TCF7: variants seen among roughly 807,000 people sequenced by gnomAD.
TCF7 encodes T-cell-factor-7.
TCF7 carries 19 observed loss-of-function variants against 46.8 expected under a neutral mutation model. That is an observed-to-expected ratio of 0.41 (90% CI 0.28 to 0.60). The LOEUF is 0.60. Ranked by LOEUF, TCF7 falls within the 20% of genes least tolerant of loss-of-function variation. TCF7 has a pLI of 0.35. For synonymous variants in TCF7, 245 were observed against 213.4 expected, an observed-to-expected ratio of 1.15 and a Z score of -1.29; for missense variants, 547 against 504.6, an observed-to-expected ratio of 1.08 and a Z score of -0.81.
At chr5:134,115,876 C>T (rs903077068) in intron 2 of TCF7, 33 bp from the exon 3 acceptor site, 24 of 1,613,372 alleles carry the variant, frequency 1.5e-5, no homozygotes, top group Non-Finnish European at 1.9e-5. Context: ...GCTGCCAGGG[C>T]TGGTGTGTCT....
At chr5:134,113,448 G>A (rs535360612), upstream of TCF7, among the ~76,000 whole-genome samples, 8 of 152,372 alleles carry the variant, frequency 5.3e-5, no homozygotes, top group South Asian at 1.4e-3. Flanking sequence ...AGGGAGGCAC[G>A]GCTGTCTTCC....
chr5:134,142,613 C>G (rs1455667195), intron 6 of TCF7, 108 bp from the exon 7 acceptor site: 2 of 1,413,974 alleles, frequency 1.4e-6, no homozygotes, highest in African/African-American at 2.9e-5. Flanking sequence ...ACTTAGAAAA[C>G]TCTGGTATCA....
At chr5:134,125,844 G>A (rs909575473) in intron 3 of TCF7, among the ~76,000 whole-genome samples, 2 of 152,230 alleles carry the variant, frequency 1.3e-5, no homozygotes, top group Non-Finnish European at 2.9e-5. Flanking sequence ...CTAAGCAGGA[G>A]GCAGGGCAGC....
At chr5:134,145,336 G>A in intron 9 of TCF7, 1 of 541,742 alleles carries the variant, frequency 1.8e-6, no homozygotes, top group Non-Finnish European at 3.6e-6. Context: ...CCATCTGGTT[G>A]CCAGGTAGCC....
upstream of TCF7, among the ~76,000 whole-genome samples, chr5:134,113,062 G>A (rs1039657742): frequency 6.6e-6 from 1 of 152,224 alleles, no homozygotes; most frequent in African/African-American, 2.4e-5. Context: ...AGGAGTTGAG[G>A]TGGCGGAGGC....
intron 3 of TCF7, among the ~76,000 whole-genome samples, chr5:134,128,556 G>A (rs1311186951): frequency 6.6e-6 from 1 of 151,030 alleles, no homozygotes; most frequent in Non-Finnish European, 1.5e-5. Context: ...CCTAGGGCTG[G>A]TGCAGGCTGC....
intron 3 of TCF7, among the ~76,000 whole-genome samples, chr5:134,131,984 C>T (rs1229903015): frequency 8.5e-5 from 13 of 152,252 alleles, no homozygotes; most frequent in Admixed American, 8.5e-4. Flanking sequence ...ACCCCCATCC[C>T]AGGGGTCCTA....
chr5:134,145,849 T>C (rs1474596199), intron 9 of TCF7: 6 of 1,609,710 alleles, frequency 3.7e-6, no homozygotes, highest in African/African-American at 2.7e-5. Context: ...AAGGAAGCCA[T>C]AGGCATTGCG....
rs1299254062 is a variant in TCF7, at chr5:134,143,404, T to C, written c.1027-188T>C. The stretch of plus-strand genomic sequence containing the variant: ...ATTCAAACTGGAGACCAGATTGGGG[T>C]GAGGGAAGAGCTTCTAAATGCACTC... On this transcript the variant is annotated intron_variant, in intron 8 of 9. Coordinates refer to ENST00000342854, the MANE Select transcript of TCF7 (RefSeq NM_003202.5). The C allele has an allele frequency of 4.9e-6, 4 of 810,120 alleles. No individual in the cohort carries two copies. In the Admixed American group the frequency reaches 5.1e-5, roughly 10 times the overall value. The allele number at this position is 810,120 out of a possible 1,614,324, so 50.2% of individuals were successfully genotyped here.
intron 3 of TCF7, among the ~76,000 whole-genome samples, chr5:134,130,160 C>A (rs1314864838): frequency 6.6e-6 from 1 of 152,244 alleles, no homozygotes; most frequent in Admixed American, 6.5e-5. Flanking sequence ...CTGGCGCACT[C>A]AGCCCTACTG....
At chr5:134,138,799 T>G (rs1183496124) in intron 4 of TCF7, 152 bp from the exon 5 acceptor site, 20 of 1,257,844 alleles carry the variant, frequency 1.6e-5, no homozygotes, top group Non-Finnish European at 2.1e-5. Context: ...ATTATCACAC[T>G]GGGATCCTCC....
chr5:134,130,889 C>T (rs147604301), intron 3 of TCF7, among the ~76,000 whole-genome samples: 2 of 152,290 alleles, frequency 1.3e-5, no homozygotes, highest in African/African-American at 2.4e-5. Context: ...ATATAAATAA[C>T]TCAGGGCAAA....
intron 6 of TCF7, 41 bp from the exon 7 acceptor site, chr5:134,142,680 A>C: frequency 6.2e-7 from 1 of 1,606,640 alleles, no homozygotes; most frequent in Non-Finnish European, 8.5e-7. Flanking sequence ...TTAGGTGGGC[A>C]CTCGGGGGGC....
rs905678078 is a variant in TCF7 at position 134,114,988 on chromosome 5, G to A, written c.82G>A (p.Asp28Asn). ...GCCGGACGAGCTGCTGGCCTTCCAG[G>A]ATGAAGGCGAGGAGCAGGACGACAA... ...GAPDELLAFQ[D>N]EGEEQDDKSR... The change falls in exon 1 of 10, where the codon GAT becomes AAT. Residue 28 changes from aspartate to asparagine, a missense_variant. Coordinates refer to ENST00000342854, the MANE Select transcript of TCF7 (RefSeq NM_003202.5). 1.5e-5 allele frequency: 19 copies of A among 1,231,938 alleles called. No homozygotes were observed. Among genetic ancestry groups the A allele is most frequent in the African/African-American group, 4.8e-5 (3 of 62,100 alleles). The allele number at this position is 1,231,938 out of a possible 1,614,324, so 76.3% of individuals were successfully genotyped here.
In TCF7 at chr5:134,114,729, C is replaced by T. The variant is rs1178063124; in HGVS notation, c.-178C>T. On this transcript the variant is annotated 5_prime_UTR_variant, in exon 1 of 10. Coordinates refer to ENST00000342854, the MANE Select transcript of TCF7 (RefSeq NM_003202.5). ...GTTCCGACCCGCCAGCTCGCGGAGC[C>T]GCTCTGCCCCGCGCCCTAGCCCGCG... is the stretch of plus-strand genomic sequence containing the variant. 7 of 507,624 alleles carry T rather than the reference C, an allele frequency of 1.4e-5. No homozygotes were observed. Among genetic ancestry groups the T allele is most frequent in the Non-Finnish European group, 1.5e-5 (6 of 394,658 alleles). The allele number at this position is 507,624 out of a possible 1,614,324, so 31.4% of individuals were successfully genotyped here. A position where few individuals can be genotyped will look rare whatever the true frequency, so the allele number is the denominator to read the frequency against.
At chr5:134,116,822 TC>T (rs1271820889) in intron 3 of TCF7, among the ~76,000 whole-genome samples, 1 of 152,250 alleles carries the variant, frequency 6.6e-6, no homozygotes, top group Admixed American at 6.5e-5. Flanking sequence ...TTAAAGAAAT[TC>T]CTATTCGTGT....
chr5:134,146,019 T>C, intron 9 of TCF7: 2 of 1,505,720 alleles, frequency 1.3e-6, no homozygotes, highest in Non-Finnish European at 1.8e-6. Context: ...TTTGCCACCT[T>C]GTGGCTGTTC....
chr5:134,129,279 C>A (rs1316254680), intron 3 of TCF7, among the ~76,000 whole-genome samples: 1 of 152,214 alleles, frequency 6.6e-6, no homozygotes, highest in East Asian at 1.9e-4. Flanking sequence ...TAAATCTGCA[C>A]CTGGTATTTT....
intron 9 of TCF7, chr5:134,144,636 G>A: frequency 3.3e-6 from 2 of 613,532 alleles, no homozygotes; most frequent in South Asian, 3.8e-5. Flanking sequence ...GGCTCCCACT[G>A]GGGCTGGCTG....
Sources: gnomAD v4.1 joint callset for allele counts (sites outside exome capture counted in the v4.1 genomes callset) on GRCh38, gnomAD v4.1.1 for gene constraint, MANE v1.5 for transcripts, NCBI Gene and HGNC (gene_info 2026-07-23, HGNC 2026-07-21) for gene names.